Variants in PIBF1 observed in about 807,000 individuals in gnomAD.
PIBF1 encodes the protein progesterone-induced-blocking factor 1.
A neutral mutation model predicts 112.5 loss-of-function variants in PIBF1; 90 were observed. That is an observed-to-expected ratio of 0.80 (90% CI 0.67 to 0.95). PIBF1 has a LOEUF of 0.95. PIBF1 is among the 40% of genes least tolerant of loss of function. The pLI is 0.00. For synonymous variants in PIBF1, 301 were observed against 288.6 expected (o/e 1.04, Z -0.44); for missense variants, 915 against 852.3 (o/e 1.07, Z -0.92).
chr13:73,015,210 T>C (rs2044349655), intron 17 of PIBF1, among the ~76,000 whole-genome samples: 2 of 152,152 alleles, frequency 1.3e-5, no homozygotes, highest in Non-Finnish European at 2.9e-5. Context: ...CAGGCTAGTC[T>C]CGAACTCCTG....
At chr13:72,806,512 A>G (rs1039618550) in intron 5 of PIBF1, among the ~76,000 whole-genome samples, 1 of 151,828 alleles carries the variant, frequency 6.6e-6, no homozygotes, top group Non-Finnish European at 1.5e-5. Flanking sequence ...ACCTAATGCT[A>G]TCCCTCCCCT....
intron 9 of PIBF1, among the ~76,000 whole-genome samples, chr13:72,843,445 C>T (rs993361353): frequency 6.6e-6 from 1 of 152,180 alleles, no homozygotes; most frequent in African/African-American, 2.4e-5. Context: ...GAGTTTTGCT[C>T]TTGTCGTCCA....
chr13:72,931,174 G>C lies in PIBF1; in HGVS notation c.1740G>C (p.Leu580Phe). The C allele has an allele frequency of 6.2e-7, 1 of 1,607,300 alleles. No individual in the cohort carries two copies. Among genetic ancestry groups the C allele is most frequent in the Non-Finnish European group, 8.5e-7 (1 of 1,175,206 alleles). The stretch of plus-strand genomic sequence containing the variant: ...TATTTCATTTGCCTAGTGTTCACTT[G>C]GCAAGAAGAGTGCTTCAATTAGAAA... ...AKRRLKQSVHLARRVLQLEKQ... is the reference protein window; with the variant it reads ...AKRRLKQSVHFARRVLQLEKQ... Residue 580 changes from leucine to phenylalanine, a missense_variant, in exon 14 of 18, where the codon TTG becomes TTC. Coordinates refer to ENST00000326291, the MANE Select transcript of PIBF1 (RefSeq NM_006346.4).
intron 2 of PIBF1, among the ~76,000 whole-genome samples, chr13:72,790,802 A>G (rs1268135040): frequency 6.6e-6 from 1 of 152,162 alleles, no homozygotes; most frequent in East Asian, 1.9e-4. Context: ...AAAACAATGC[A>G]CAGGACATTA....
intron 16 of PIBF1, 86 bp from the exon 17 acceptor site, chr13:72,998,730 TCTTCTA>T: frequency 1.3e-6 from 1 of 799,072 alleles, no homozygotes; most frequent in Non-Finnish European, 2.0e-6. Flanking sequence ...TATAATTGTT[TCTTCTA>T]CTTAAAAATA....
At chr13:72,970,445 G>A (rs937059684) in intron 15 of PIBF1, 1 of 152,120 alleles carries the variant, frequency 6.6e-6, no homozygotes, top group African/African-American at 2.4e-5. Context: ...TTCTTAACTG[G>A]TAGTTAAAGA....
intron 9 of PIBF1, among the ~76,000 whole-genome samples, chr13:72,841,546 G>A (rs2037610183): frequency 6.6e-6 from 1 of 152,116 alleles, no homozygotes; most frequent in Non-Finnish European, 1.5e-5. Flanking sequence ...TGAGGCAGAT[G>A]GATTGCTTAA....
At chr13:72,914,639 A>C (rs953198234) in intron 12 of PIBF1, among the ~76,000 whole-genome samples, 3 of 152,214 alleles carry the variant, frequency 2.0e-5, no homozygotes, top group Non-Finnish European at 4.4e-5. Flanking sequence ...GCTGGAGTGC[A>C]GTGGTACAAT....
chr13:72,909,862 TTC>T (rs1422893039), intron 12 of PIBF1, among the ~76,000 whole-genome samples: 1 of 152,148 alleles, frequency 6.6e-6, no homozygotes, highest in Non-Finnish European at 1.5e-5. Flanking sequence ...GATCTTTAAT[TTC>T]TGTTTTCCTT....
intron 10 of PIBF1, among the ~76,000 whole-genome samples, chr13:72,860,311 GTGTGTGT>G (rs1566370265): frequency 0.032 from 637 of 19,834 alleles, 3 homozygotes; most frequent in Middle Eastern, 0.05. Context: ...TTTTAGGGGT[GTGTGTGT>G]GTGTGTGTGT....
chr13:72,987,858 ATTTTTTTTT>A (rs55999445), intron 16 of PIBF1, among the ~76,000 whole-genome samples: 12,044 of 59,024 alleles, frequency 0.2, 1,049 homozygotes, highest in Middle Eastern at 0.28. Flanking sequence ...TTATTTATTT[ATTTTTTTTT>A]TTTTTTTTTT....
chr13:72,935,008 CAG>C (rs1455787176), intron 14 of PIBF1, among the ~76,000 whole-genome samples: 2 of 152,020 alleles, frequency 1.3e-5, no homozygotes, highest in African/African-American at 4.8e-5. Context: ...TTTATTGAGA[CAG>C]AGCCTCACTC....
intron 17 of PIBF1, among the ~76,000 whole-genome samples, chr13:73,007,696 C>G (rs1358445420): frequency 2.6e-5 from 4 of 151,798 alleles, no homozygotes; most frequent in African/African-American, 7.3e-5. Context: ...GTAATCCTAG[C>G]TACTCGGGAG....
At position 72,924,849 on chromosome 13, in the gene PIBF1, T is replaced by C. The variant is rs552302741; in HGVS notation, c.1731-6316T>C. The stretch of plus-strand genomic sequence containing the variant: ...GAAATGATTAACATACATGAAAGAA[T>C]ATATAAACTTTAGTACTATATCATA... On this transcript the variant is annotated intron_variant, in intron 13 of 17. Transcript: ENST00000326291. Among the ~76,000 whole-genome samples the C allele has an allele frequency of 2.0e-5, 3 of 152,328 alleles. No individual in the cohort carries two copies. In the East Asian group the frequency reaches 5.8e-4, roughly 29 times the overall value.
chr13:73,014,824 T>C (rs936442903), intron 17 of PIBF1, among the ~76,000 whole-genome samples: 1 of 152,146 alleles, frequency 6.6e-6, no homozygotes, highest in African/African-American at 2.4e-5. Context: ...TGTCTTGCTC[T>C]GTCACTCAGA....
chr13:72,863,341 A>T (rs1335349064), intron 10 of PIBF1, among the ~76,000 whole-genome samples: 1 of 152,090 alleles, frequency 6.6e-6, no homozygotes, highest in Non-Finnish European at 1.5e-5. Flanking sequence ...AAAAAATAAA[A>T]TTTTTTCCAC....
At chr13:72,809,626 C>G (rs1323689980) in intron 5 of PIBF1, among the ~76,000 whole-genome samples, 1 of 117,304 alleles carries the variant, frequency 8.5e-6, no homozygotes, top group Non-Finnish European at 1.7e-5. Context: ...GAGTTTTGCT[C>G]TTGCCCAGGC....
chr13:72,932,862 A>G (rs1316169126), intron 14 of PIBF1, among the ~76,000 whole-genome samples: 3 of 152,150 alleles, frequency 2.0e-5, no homozygotes, highest in African/African-American at 7.2e-5. Flanking sequence ...ATTCCTAAAA[A>G]TTTTCAGGAT....
intron 14 of PIBF1, among the ~76,000 whole-genome samples, chr13:72,954,026 C>T (rs2042374129): frequency 6.6e-6 from 1 of 152,120 alleles, no homozygotes; most frequent in Non-Finnish European, 1.5e-5. Context: ...GCAGTGTCCC[C>T]AGTGGGGATC....
Sources: gnomAD v4.1 joint callset for allele counts (sites outside exome capture counted in the v4.1 genomes callset) on GRCh38, gnomAD v4.1.1 for gene constraint, MANE v1.5 for transcripts, NCBI Gene and HGNC (gene_info 2026-07-23, HGNC 2026-07-21) for gene names.